Variants in PTGR2 observed in about 807,000 individuals in gnomAD.
PTGR2 encodes prostaglandin reductase 2, also known as 15-oxoprostaglandin 13-reductase.
In PTGR2, 32 loss-of-function variants were observed where a neutral mutation model predicts 43.4. The observed-to-expected ratio is 0.74, with a 90% CI of 0.56 to 0.99. PTGR2 has a LOEUF of 0.99. Ranked by LOEUF, PTGR2 falls within the 50% of genes least tolerant of loss-of-function variation. The pLI, the probability that PTGR2 is intolerant of heterozygous loss-of-function variation, is 0.00. For missense variants in PTGR2, 373 were observed against 420.0 expected (o/e 0.89, Z 0.98); for synonymous variants, 106 against 139.2 (o/e 0.76, Z 1.68).
At chr14:73,882,524 G>C in intron 9 of PTGR2, 86 bp downstream of exon 9, 1 of 957,600 alleles carries the variant, frequency 1.0e-6, no homozygotes, top group Non-Finnish European at 1.6e-6. Flanking sequence ...TTTTTGAGAC[G>C]GAGTCTTGCT....
At chr14:73,883,188 C>CTTTTTTTTTTTTTTTTT (rs58234739) in intron 9 of PTGR2, among the ~76,000 whole-genome samples, 6 of 58,120 alleles carry the variant, frequency 1.0e-4, no homozygotes, top group African/African-American at 1.6e-4. Flanking sequence ...CCTCACCTCC[C>CTTTTTTTTTTTTTTTTT]TTTTTTTTTT....
At chr14:73,860,415 C>G (rs891605498) in intron 2 of PTGR2, 124 bp from the exon 3 acceptor site, 6 of 502,102 alleles carry the variant, frequency 1.2e-5, no homozygotes, top group African/African-American at 2.1e-5. Flanking sequence ...TGCAGTAAGC[C>G]GAGATCGCGC....
In PTGR2 at chr14:73,860,663, A is replaced by G; in HGVS notation, c.156+6A>G. The stretch of plus-strand genomic sequence containing the variant: ...TTTCTGTGGATCCTTACATGGTAAG[A>G]ATCAGGATGTTGTAACTTGGTGAAA... On this transcript the variant is annotated splice_donor_region_variant and intron_variant, in intron 3 of 9. Coordinates refer to ENST00000555661, the MANE Select transcript of PTGR2 (RefSeq NM_001146154.2). 3.3e-6 allele frequency: 4 copies of G among 1,212,956 alleles called. No individual in the cohort carries two copies. Among genetic ancestry groups the G allele is most frequent in the Non-Finnish European group, 4.8e-6 (4 of 835,698 alleles). 75.1% of individuals were successfully genotyped at this position (1,212,956 alleles called of 1,614,324 possible).
intron 1 of PTGR2, among the ~76,000 whole-genome samples, chr14:73,854,523 A>G (rs917519928): frequency 1.3e-5 from 2 of 152,184 alleles, no homozygotes; most frequent in African/African-American, 2.4e-5. Flanking sequence ...GAGTGAGAGA[A>G]CTTTAATAGT....
intron 1 of PTGR2, among the ~76,000 whole-genome samples, chr14:73,853,408 C>T (rs2054275562): frequency 1.3e-5 from 2 of 151,774 alleles, no homozygotes; most frequent in South Asian, 4.2e-4. Flanking sequence ...CTGCAACCTC[C>T]ACCTCCCGGT....
rs934565662 is a variant in PTGR2 at position 73,852,741 on chromosome 14, T to A, written c.-48+798T>A. On this transcript the variant is annotated intron_variant, in intron 1 of 9. Transcript: ENST00000555661. ...GAAGAGCAAGATAGGAATCTCCACA[T>A]GCAAGACTTCGGGAGGGGAAGGGGG... 2.0e-5 allele frequency among the ~76,000 whole-genome samples: 3 copies of A among 152,164 alleles called. No individual in the cohort carries two copies. In the East Asian group the frequency reaches 5.8e-4, roughly 29 times the overall value.
chr14:73,864,636 G>T (rs1566636674), intron 3 of PTGR2, among the ~76,000 whole-genome samples: 1 of 152,094 alleles, frequency 6.6e-6, no homozygotes, highest in Non-Finnish European at 1.5e-5. Flanking sequence ...TTAAAAGTTG[G>T]ATTATCTGTG....
At chr14:73,852,785 GGGA>G (rs2054259875) in intron 1 of PTGR2, among the ~76,000 whole-genome samples, 1 of 152,012 alleles carries the variant, frequency 6.6e-6, no homozygotes, top group South Asian at 2.1e-4. Flanking sequence ...AAACCGGAAG[GGGA>G]GGAGAAGACT....
At chr14:73,882,002 C>A (rs1442860302) in intron 8 of PTGR2, among the ~76,000 whole-genome samples, 4 of 151,910 alleles carry the variant, frequency 2.6e-5, no homozygotes, top group Non-Finnish European at 5.9e-5. Context: ...AGGCTGGTCT[C>A]AAACTCCTGA....
intron 5 of PTGR2, chr14:73,878,568 G>A: frequency 8.3e-6 from 3 of 359,382 alleles, no homozygotes; most frequent in South Asian, 2.4e-5. Context: ...CTCTCGAGAT[G>A]CTGGGCAGCG....
intron 3 of PTGR2, among the ~76,000 whole-genome samples, chr14:73,865,037 AAC>A (rs1595355283): frequency 1.3e-5 from 2 of 152,278 alleles, no homozygotes; most frequent in East Asian, 1.9e-4. Flanking sequence ...CAGAAACACA[AAC>A]ACACACATAG....
chr14:73,883,035 G>A (rs529376638), intron 9 of PTGR2, among the ~76,000 whole-genome samples: 48 of 147,402 alleles, frequency 3.3e-4, no homozygotes, highest in Non-Finnish European at 6.6e-4. Flanking sequence ...TGGCCAGGCT[G>A]GTCTTGAACT....
chr14:73,857,709 C>A (rs1314702417), intron 1 of PTGR2, among the ~76,000 whole-genome samples: 2 of 117,796 alleles, frequency 1.7e-5, no homozygotes, highest in African/African-American at 6.8e-5. Flanking sequence ...CGCTCTGTTG[C>A]CCAGGCTGGA....
chr14:73,867,101 A>AC (rs1555350777), intron 3 of PTGR2, among the ~76,000 whole-genome samples: 1 of 141,296 alleles, frequency 7.1e-6, no homozygotes, highest in Non-Finnish European at 1.5e-5. Context: ...AAAAAAAAAA[A>AC]AAAAAAACAA....
chr14:73,865,666 C>T (rs184036617), intron 3 of PTGR2, among the ~76,000 whole-genome samples: 173 of 152,064 alleles, frequency 1.1e-3, no homozygotes, highest in Middle Eastern at 3.4e-3. Context: ...GTAACTGGGA[C>T]GATAGGTGCA....
intron 3 of PTGR2, among the ~76,000 whole-genome samples, chr14:73,866,383 C>T (rs537921654): frequency 2.6e-5 from 4 of 151,986 alleles, no homozygotes; most frequent in South Asian, 2.1e-4. Context: ...GTGATCCTCC[C>T]GCCTCAGCCT....
chr14:73,863,651 A>G (rs1256272049), intron 3 of PTGR2, among the ~76,000 whole-genome samples: 2 of 145,128 alleles, frequency 1.4e-5, no homozygotes, highest in East Asian at 2.0e-4. Context: ...GTTTCACTCT[A>G]TCCCCCAGGC....
intron 3 of PTGR2, among the ~76,000 whole-genome samples, chr14:73,866,703 G>A (rs182385438): frequency 4.6e-5 from 7 of 152,250 alleles, no homozygotes; most frequent in Admixed American, 1.3e-4. Context: ...GAAGAGATTA[G>A]CTTTTGGATT....
chr14:73,881,756 A>G (rs958126325), intron 8 of PTGR2, among the ~76,000 whole-genome samples: 4 of 145,144 alleles, frequency 2.8e-5, no homozygotes, highest in African/African-American at 7.8e-5. Context: ...CTTCAGACAT[A>G]CTGGCCTAGG....
Sources: gnomAD v4.1 joint callset for allele counts (sites outside exome capture counted in the v4.1 genomes callset) on GRCh38, gnomAD v4.1.1 for gene constraint, MANE v1.5 for transcripts, NCBI Gene and HGNC (gene_info 2026-07-23, HGNC 2026-07-21) for gene names.